Variants in ANK1 observed in about 807,000 individuals in gnomAD.
The protein encoded by ANK1 is ankyrin 1.
ANK1 carries 51 observed loss-of-function variants against 210.4 expected under a neutral mutation model. That is an observed-to-expected ratio of 0.24 (90% confidence interval 0.19 to 0.31). The LOEUF is 0.31. Ranked by LOEUF, ANK1 falls within the 10% of genes least tolerant of loss-of-function variation. ANK1 has a pLI of 1.00. For synonymous variants in ANK1, 967 were observed against 1,025.9 expected, an observed-to-expected ratio of 0.94 and a Z score of 1.10; for missense variants, 2,051 against 2,504.4, an observed-to-expected ratio of 0.82 and a Z score of 3.86.
chr8:41,891,690 C>T (rs1222101755), intron 1 of ANK1, among the ~76,000 whole-genome samples: 1 of 152,226 alleles, frequency 6.6e-6, no homozygotes, highest in African/African-American at 2.4e-5. Context: ...GGACAGGAGG[C>T]AGGCTGGGAA....
chr8:41,856,822 C>G (rs78370975), intron 1 of ANK1, among the ~76,000 whole-genome samples: 1,809 of 150,692 alleles, frequency 0.012, 40 homozygotes, highest in African/African-American at 0.042. Flanking sequence ...GCATAAGGAA[C>G]ACTCAACCTT....
chr8:41,869,583 T>TA (rs1201909716), intron 1 of ANK1, among the ~76,000 whole-genome samples: 2 of 151,518 alleles, frequency 1.3e-5, no homozygotes, highest in Non-Finnish European at 2.9e-5. Flanking sequence ...ATCTAAAATT[T>TA]AAAAAAAAGA....
chr8:41,663,310 C>T (rs1809198516), intron 40 of ANK1, among the ~76,000 whole-genome samples: 1 of 152,058 alleles, frequency 6.6e-6, no homozygotes, highest in Non-Finnish European at 1.5e-5. Context: ...TGAGGAGGCC[C>T]ATGGTAGGCC....
chr8:41,890,230 G>C (rs1292582238), intron 1 of ANK1, among the ~76,000 whole-genome samples: 2 of 152,172 alleles, frequency 1.3e-5, no homozygotes, highest in Non-Finnish European at 2.9e-5. Flanking sequence ...TGAGAAAACT[G>C]AGGCTGGAGG....
At chr8:41,679,504 C>T (rs1223424167) in intron 37 of ANK1, among the ~76,000 whole-genome samples, 1 of 151,416 alleles carries the variant, frequency 6.6e-6, no homozygotes, top group Non-Finnish European at 1.5e-5. Context: ...GCAACTGTCT[C>T]CTCTCTGGTG....
intron 2 of ANK1, among the ~76,000 whole-genome samples, chr8:41,748,508 C>G (rs1021948568): frequency 2.0e-5 from 3 of 152,208 alleles, no homozygotes; most frequent in African/African-American, 7.2e-5. Context: ...CCCCGAACTG[C>G]CCCCTGCCCC....
At chr8:41,656,258 C>T (rs911726424) in intron 42 of ANK1, among the ~76,000 whole-genome samples, 7 of 152,376 alleles carry the variant, frequency 4.6e-5, no homozygotes, top group South Asian at 4.1e-4. Context: ...GTCCGCCATG[C>T]GCCAGCCTTG....
At chr8:41,893,752 C>A (rs1038171331) in intron 1 of ANK1, among the ~76,000 whole-genome samples, 5 of 152,186 alleles carry the variant, frequency 3.3e-5, no homozygotes, top group Non-Finnish European at 7.3e-5. Context: ...GTATGGAATT[C>A]CTTCTGCATG....
chr8:41,701,055 C>G (rs1822632759), intron 22 of ANK1, among the ~76,000 whole-genome samples: 1 of 152,162 alleles, frequency 6.6e-6, no homozygotes, highest in African/African-American at 2.4e-5. Flanking sequence ...AGGCATGAAC[C>G]CAGGCACCCA....
At position 41,672,905 on chromosome 8, in the gene ANK1, G is replaced by C; in HGVS notation, c.4545C>G (p.Ser1515=). 1 of 1,599,820 alleles carries C rather than the reference G, an allele frequency of 6.3e-7. No individual in the cohort carries two copies. The highest frequency in any genetic ancestry group is 8.5e-7 in the Non-Finnish European group (1 of 1,179,442). ...GGGACAGCAGCTCGTCCTGCAGTGAGGAGTAACCTGGATGGGCAGACAGAG... is the reference window on the plus strand; with the variant it reads ...GGGACAGCAGCTCGTCCTGCAGTGACGAGTAACCTGGATGGGCAGACAGAG... ...SLSPSQMNGY[S]SLQDELLSPA... Residue 1515 remains serine (S), a synonymous_variant, in exon 38 of 43, where the codon TCC becomes TCG. Transcript: ENST00000289734.
At chr8:41,778,592 C>T (rs1563746473) in intron 1 of ANK1, among the ~76,000 whole-genome samples, 1 of 152,128 alleles carries the variant, frequency 6.6e-6, no homozygotes, top group African/African-American at 2.4e-5. Flanking sequence ...CAGAACCAAA[C>T]GCTTGAAAAT....
At chr8:41,703,580 C>G (rs1414943625) in intron 20 of ANK1, among the ~76,000 whole-genome samples, 2 of 150,668 alleles carry the variant, frequency 1.3e-5, no homozygotes, top group East Asian at 1.9e-4. Flanking sequence ...ACCTCCCGGA[C>G]TCAGGCTATC....
chr8:41,668,343 G>C lies in ANK1; in HGVS notation c.5318C>G (p.Ala1773Gly). The change falls in exon 39 of 43, where the codon GCC (alanine) becomes GGC (glycine). Residue 1773 changes from alanine to glycine, a missense_variant. By Grantham distance (60) the Ala-to-Gly change is moderately conservative. This residue lies in a region of ANK1 where 496 missense variants were observed against 533.4 expected (regional missense o/e 0.93). Transcript: ENST00000289734. ...TEQPEAESSQ[A>G]DRDRRQQGQE... ...GCCTTGCTGCCTCCGGTCCCTGTCG[G>C]CCTGGGAGCTCTCAGCCTCGGGCTG... is the stretch of plus-strand genomic sequence containing the variant. 6.2e-7 allele frequency: 1 copy of C among 1,614,190 alleles called. No homozygotes were observed. The highest frequency in any genetic ancestry group is 8.5e-7 in the Non-Finnish European group (1 of 1,180,038).
chr8:41,693,252 T>TG, intron 29 of ANK1, 51 bp from the exon 30 acceptor site: 1 of 1,456,126 alleles, frequency 6.9e-7, no homozygotes, highest in South Asian at 1.1e-5. Context: ...GATGTAAGCA[T>TG]GGAGCTTACT....
intron 3 of ANK1, among the ~76,000 whole-genome samples, chr8:41,732,464 G>A (rs1832404891): frequency 6.6e-6 from 1 of 152,198 alleles, no homozygotes; most frequent in African/African-American, 2.4e-5. Flanking sequence ...CCAGGCTGGA[G>A]TGCAATGGCG....
chr8:41,656,287 G>A (rs765779746), intron 42 of ANK1, among the ~76,000 whole-genome samples: 4 of 152,232 alleles, frequency 2.6e-5, no homozygotes, highest in Non-Finnish European at 4.4e-5. Flanking sequence ...GGGATGGAGC[G>A]GATGTGCTCC....
intron 1 of ANK1, among the ~76,000 whole-genome samples, chr8:41,774,760 C>G (rs78079105): frequency 6.6e-6 from 1 of 152,244 alleles, no homozygotes; most frequent in Non-Finnish European, 1.5e-5. Flanking sequence ...CCCTGGCCCA[C>G]GCCGCAGAGC....
rs1318555099 is a variant in ANK1, at chr8:41,797,613, C to A, written c.-75G>T. ...GAGCAGCTGGGGCTGGCGGACTCAC[C>A]GCAGCCTCTGCGGGGCCTGTGACGT... is the stretch of plus-strand genomic sequence containing the variant. On this transcript the variant is annotated 5_prime_UTR_variant, in exon 1 of 43. Coordinates refer to ENST00000289734, the MANE Select transcript of ANK1 (RefSeq NM_000037.4). This position sits in a 1 kb window ranked among gnomAD's most constrained non-coding sequence, Gnocchi z 4.0. 7 of 1,601,772 alleles carry A rather than the reference C, an allele frequency of 4.4e-6. No individual in the cohort carries two copies. Among genetic ancestry groups the A allele is most frequent in the South Asian group, 1.1e-5 (1 of 89,392 alleles).
At chr8:41,716,458 G>A (rs1473180061) in intron 13 of ANK1, among the ~76,000 whole-genome samples, 1 of 152,028 alleles carries the variant, frequency 6.6e-6, no homozygotes, top group Non-Finnish European at 1.5e-5. Context: ...CAAATCACAG[G>A]CCTGACTCTA....
Sources: allele counts gnomAD v4.1 joint callset (sites outside exome capture counted in the v4.1 genomes callset), GRCh38; gene constraint gnomAD v4.1.1; regional missense constraint gnomAD v4.1.1; non-coding constraint Gnocchi (gnomAD v3.1); transcripts MANE v1.5; gene names NCBI Gene and HGNC (gene_info 2026-07-23, HGNC 2026-07-21).